Variants in GRK4 observed in about 807,000 individuals in gnomAD.
The protein encoded by GRK4 is G protein-coupled receptor kinase 4.
In GRK4, 73 loss-of-function variants were observed where a neutral mutation model predicts 77.9. The ratio of observed to expected loss-of-function variants is 0.94; its 90% CI spans 0.78 to 1.14. The LOEUF is 1.14. Ranked by LOEUF, GRK4 falls within the 50% of genes most tolerant of loss-of-function variation. The probability of loss-of-function intolerance (pLI) is 0.00; values close to 1 mark genes in which losing one functional copy is unlikely to be tolerated. For missense variants in GRK4, 729 were observed against 700.2 expected (o/e 1.04, Z -0.46); for synonymous variants, 257 against 254.4 (o/e 1.01, Z -0.10).
chr4:3,024,283 T>C (rs1736829084), intron 10 of GRK4, among the ~76,000 whole-genome samples: 1 of 152,136 alleles, frequency 6.6e-6, no homozygotes, highest in African/African-American at 2.4e-5. Flanking sequence ...TCAGGGTCTC[T>C]CTATGCTACC....
chr4:2,986,468 G>A (rs1446736103), intron 2 of GRK4, among the ~76,000 whole-genome samples: 1 of 147,088 alleles, frequency 6.8e-6, no homozygotes, highest in Non-Finnish European at 1.5e-5. Flanking sequence ...GTGATTCCCT[G>A]CCTCAGCCTC....
At chr4:3,000,251 T>C (rs1729128658) in intron 4 of GRK4, among the ~76,000 whole-genome samples, 1 of 152,172 alleles carries the variant, frequency 6.6e-6, no homozygotes, top group Admixed American at 6.6e-5. Context: ...CTCTCTCTCA[T>C]GGATATTAGA....
At chr4:3,012,626 A>G (rs1733223036) in intron 7 of GRK4, among the ~76,000 whole-genome samples, 1 of 152,212 alleles carries the variant, frequency 6.6e-6, no homozygotes, top group Non-Finnish European at 1.5e-5. Context: ...GGGAGTTGGA[A>G]GAAACAGCAG....
At position 3,019,750 on chromosome 4, in the gene GRK4, T is replaced by G. The variant is rs1412612857; in HGVS notation, c.851T>G (p.Phe284Cys). The change falls in exon 9 of 16, where the codon TTT becomes TGT. Residue 284 changes from phenylalanine to cysteine, a missense_variant. Transcript: ENST00000398052. ...ATTTACAACCTGGGCAATCCCGGCTTTGATGAGCAGAGAGCCGTTTTCTAT... is the reference window on the plus strand; with the variant it reads ...ATTTACAACCTGGGCAATCCCGGCTGTGATGAGCAGAGAGCCGTTTTCTAT... Reference protein sequence around the residue: ...FHIYNLGNPGFDEQRAVFYAA... With the variant: ...FHIYNLGNPGCDEQRAVFYAA... 6.2e-7 allele frequency: 1 copy of G among 1,614,038 alleles called. No homozygotes were observed. Among genetic ancestry groups the G allele is most frequent in the Non-Finnish European group, 8.5e-7 (1 of 1,180,024 alleles).
In GRK4 at chr4:2,963,665, C is replaced by A; in HGVS notation, c.-406C>A. 2.8e-6 allele frequency: 1 copy of A among 361,404 alleles called. No individual in the cohort carries two copies. The highest frequency in any genetic ancestry group is 4.9e-6 in the Non-Finnish European group (1 of 202,266). 22.4% of individuals were successfully genotyped at this position (361,404 alleles called of 1,614,324 possible). ...GGAGCGGGTCGCCGGCCGCGGCGGGCGCCCCTGCCAGTGAGCCCCTGTCCG... is the reference window on the plus strand; with the variant it reads ...GGAGCGGGTCGCCGGCCGCGGCGGGAGCCCCTGCCAGTGAGCCCCTGTCCG... On this transcript the variant is annotated 5_prime_UTR_variant, in exon 1 of 16. Transcript: ENST00000398052.
At chr4:3,038,910 A>T (rs1337384276) in intron 15 of GRK4, 1 of 164,664 alleles carries the variant, frequency 6.1e-6, no homozygotes, top group Non-Finnish European at 1.3e-5. Context: ...GGGAAAGTGG[A>T]TTCCTTTTTG....
chr4:3,027,720 A>G (rs1737959030), intron 10 of GRK4, among the ~76,000 whole-genome samples, 192 bp from the exon 11 acceptor site: 1 of 152,244 alleles, frequency 6.6e-6, no homozygotes, highest in Admixed American at 6.5e-5. Flanking sequence ...TCCTGCTGCT[A>G]GTGAAAATGC....
At chr4:3,028,189 A>G (rs2798282) in intron 11 of GRK4, among the ~76,000 whole-genome samples, 188 bp downstream of exon 11, 118,916 of 152,036 alleles carry the variant, frequency 0.78, 47,502 homozygotes, top group African/African-American at 0.95. Flanking sequence ...GGCTGCCCTC[A>G]GCTTCTTACA....
chr4:3,030,893 G>T (rs1482833715), intron 12 of GRK4, among the ~76,000 whole-genome samples: 1 of 152,190 alleles, frequency 6.6e-6, no homozygotes, highest in African/African-American at 2.4e-5. Context: ...ATGAGACTGG[G>T]CTTGCCGGCC....
At chr4:2,970,640 C>A (rs1190391579) in intron 1 of GRK4, among the ~76,000 whole-genome samples, 1 of 149,032 alleles carries the variant, frequency 6.7e-6, no homozygotes, top group East Asian at 2.0e-4. Context: ...CCTGGCGACA[C>A]GGTGAGACTC....
In GRK4 at chr4:2,979,725, A is replaced by C. The variant is rs553426813; in HGVS notation, c.53-4788A>C. Among the ~76,000 whole-genome samples, 104 of 151,810 alleles carry C rather than the reference A, an allele frequency of 6.9e-4. 2 individuals are homozygous for C. Among genetic ancestry groups the C allele is most frequent in the African/African-American group, 1.6e-3 (65 of 41,406 alleles). ...TGAAACTCCGTCCCCCTACCCCCCC[A>C]AAAAAAATCCATGTGTGGTGGTGCA... On this transcript the variant is annotated intron_variant, in intron 1 of 15. Transcript: ENST00000398052.
chr4:3,023,876 A>G (rs980420986), intron 10 of GRK4, among the ~76,000 whole-genome samples: 1 of 152,226 alleles, frequency 6.6e-6, no homozygotes, highest in Non-Finnish European at 1.5e-5. Context: ...TTGTGTAAAC[A>G]AAGCAGGGAA....
Position 3,013,848 on chromosome 4 carries a change from C to G in GRK4, c.741+20C>G, listed in dbSNP as rs1343558704. 6.3e-7 allele frequency: 1 copy of G among 1,596,276 alleles called. No individual in the cohort carries two copies. The highest frequency in any genetic ancestry group is 2.2e-5 in the East Asian group (1 of 44,702). On this transcript the variant is annotated intron_variant, in intron 8 of 15. Coordinates refer to ENST00000398052, the MANE Select transcript of GRK4 (RefSeq NM_182982.3). ...TTCGTAGTAAGTGTCTCCTCTTAGT[C>G]TTCACTGTGCATTGTTTGATTCATA...
At chr4:3,033,339 T>C (rs951595039) in intron 12 of GRK4, among the ~76,000 whole-genome samples, 2 of 152,186 alleles carry the variant, frequency 1.3e-5, no homozygotes, top group African/African-American at 4.8e-5. Context: ...AGGAATCCCA[T>C]TCACGAGGGC....
intron 6 of GRK4, 89 bp downstream of exon 6, chr4:3,007,917 T>G: frequency 1.2e-6 from 1 of 857,368 alleles, no homozygotes; most frequent in Non-Finnish European, 1.9e-6. Flanking sequence ...GCTGAAGGAT[T>G]GCTTAAGCCC....
chr4:2,976,684 AGGCTG>A (rs1721291704), intron 1 of GRK4, among the ~76,000 whole-genome samples: 2 of 122,854 alleles, frequency 1.6e-5, no homozygotes, highest in African/African-American at 6.5e-5. Flanking sequence ...CTTGTTGCCC[AGGCTG>A]GAGTGCAACG....
At chr4:2,991,464 T>G (rs1220969710) in intron 3 of GRK4, among the ~76,000 whole-genome samples, 1 of 152,194 alleles carries the variant, frequency 6.6e-6, no homozygotes, top group African/African-American at 2.4e-5. Context: ...TTGCTTTCTC[T>G]TCCATTAATT....
Position 3,013,137 on chromosome 4 carries a change from G to A in GRK4, c.601-551G>A, listed in dbSNP as rs143629634. On this transcript the variant is annotated intron_variant, in intron 7 of 15. Coordinates refer to ENST00000398052, the MANE Select transcript of GRK4 (RefSeq NM_182982.3). The stretch of plus-strand genomic sequence containing the variant: ...CGGCTTACTACAACCTCTGCCTCCC[G>A]GGTTTAAGCGATTCTCCTGCCTCAG... Among the ~76,000 whole-genome samples, 1,390 of 151,770 alleles carry A rather than the reference G, an allele frequency of 9.2e-3. 23 individuals are homozygous for A. The highest frequency in any genetic ancestry group is 0.031 in the African/African-American group (1,288 of 41,430).
At chr4:2,974,085 A>G (rs1720409063) in intron 1 of GRK4, among the ~76,000 whole-genome samples, 1 of 152,154 alleles carries the variant, frequency 6.6e-6, no homozygotes, top group Admixed American at 6.6e-5. Context: ...CCCGGGCTCA[A>G]GCGAGCCCAC....
Sources: gnomAD v4.1 joint callset for allele counts (sites outside exome capture counted in the v4.1 genomes callset) on GRCh38, gnomAD v4.1.1 for gene constraint, MANE v1.5 for transcripts, NCBI Gene and HGNC (gene_info 2026-07-23, HGNC 2026-07-21) for gene names.